ACTR3C: variants seen among roughly 807,000 people sequenced by gnomAD.
The protein encoded by ACTR3C is actin related protein 3C.
Under a neutral mutation model 26.3 loss-of-function variants are expected in ACTR3C, and 18 were observed. The ratio of observed to expected loss-of-function variants is 0.68; its 90% CI spans 0.47 to 1.01. ACTR3C has a LOEUF of 1.01. Ranked by LOEUF, ACTR3C falls within the 50% of genes least tolerant of loss-of-function variation. The pLI, the probability that ACTR3C is intolerant of heterozygous loss-of-function variation, is 0.00. For synonymous variants in ACTR3C, 55 were observed against 94.5 expected (o/e 0.58, Z 2.42); for missense variants, 184 against 250.7 (o/e 0.73, Z 1.80).
chr7:150,300,010 T>C (rs1487249470), intron 1 of ACTR3C, among the ~76,000 whole-genome samples: 1 of 151,820 alleles, frequency 6.6e-6, no homozygotes, highest in African/African-American at 2.4e-5. Flanking sequence ...AATTCAAAAA[T>C]CCAAGGTGTG....
the ACTR3C span, among the ~76,000 whole-genome samples, chr7:149,978,236 C>T: frequency 6.6e-6 from 1 of 152,178 alleles, no homozygotes. Context: ...CTGCCACTGG[C>T]CCTGGTTACC....
At chr7:150,199,557 A>C in the ACTR3C span, among the ~76,000 whole-genome samples, 1 of 122,974 alleles carries the variant, frequency 8.1e-6, no homozygotes, top group Admixed American at 8.2e-5. Context: ...TTGTCCCATG[A>C]CCCTGCCAAA....
At chr7:150,068,385 T>C in the ACTR3C span, among the ~76,000 whole-genome samples, 19 of 152,334 alleles carry the variant, frequency 1.2e-4, no homozygotes, top group African/African-American at 4.3e-4. Context: ...TTATGCCAGC[T>C]GACCTCCACC....
the ACTR3C span, among the ~76,000 whole-genome samples, chr7:149,885,381 G>A: frequency 6.6e-6 from 1 of 152,204 alleles, no homozygotes; most frequent in Non-Finnish European, 1.5e-5. Context: ...AGCCGCCAGG[G>A]ACTTCCAGGT....
At chr7:149,897,404 G>C in the ACTR3C span, among the ~76,000 whole-genome samples, 3 of 152,180 alleles carry the variant, frequency 2.0e-5, no homozygotes. Context: ...AGTTTTCAAG[G>C]TAAGTCAGGC....
chr7:150,102,904 C>T, the ACTR3C span, among the ~76,000 whole-genome samples: 3 of 151,984 alleles, frequency 2.0e-5, no homozygotes, highest in Admixed American at 1.3e-4. Context: ...CCCCAGCACC[C>T]GAACAGCAGT....
chr7:149,882,941 GAGAC>G, the ACTR3C span, among the ~76,000 whole-genome samples: 1 of 152,206 alleles, frequency 6.6e-6, no homozygotes, highest in African/African-American at 2.4e-5. Context: ...CAGAGCCTGG[GAGAC>G]AGGCCCCATC....
chr7:150,207,422 A>G, the ACTR3C span, among the ~76,000 whole-genome samples: 3 of 152,264 alleles, frequency 2.0e-5, no homozygotes, highest in Non-Finnish European at 4.4e-5. Flanking sequence ...CTTATGAAGT[A>G]TAGAAATAGT....
At chr7:150,037,773 C>CA in the ACTR3C span, among the ~76,000 whole-genome samples, 2 of 46,006 alleles carry the variant, frequency 4.3e-5, no homozygotes, top group East Asian at 1.2e-3. Context: ...GGGTGCCTCC[C>CA]CCTCCTGCGA....
the ACTR3C span, among the ~76,000 whole-genome samples, chr7:150,137,002 G>A: frequency 6.6e-6 from 1 of 152,184 alleles, no homozygotes; most frequent in Non-Finnish European, 1.5e-5. Context: ...TAGATCTCTT[G>A]CACATGCAGT....
chr7:150,139,764 G>A, the ACTR3C span, among the ~76,000 whole-genome samples: 3 of 152,084 alleles, frequency 2.0e-5, no homozygotes, highest in Non-Finnish European at 4.4e-5. Flanking sequence ...CCCACACATG[G>A]GTCTTTAGGA....
chr7:150,265,776 C>T (rs1833993091), intron 6 of ACTR3C, among the ~76,000 whole-genome samples: 2 of 152,182 alleles, frequency 1.3e-5, no homozygotes, highest in South Asian at 4.1e-4. Flanking sequence ...CTACTGTTAA[C>T]ATTTCTGGTA....
the ACTR3C span, among the ~76,000 whole-genome samples, chr7:150,079,174 AG>A: frequency 6.6e-6 from 1 of 152,156 alleles, no homozygotes; most frequent in Non-Finnish European, 1.5e-5. Context: ...TGACTTCTGG[AG>A]GTGCTGCTGT....
chr7:150,312,708 T>C (rs1796432856), intron 1 of ACTR3C, among the ~76,000 whole-genome samples: 1 of 152,168 alleles, frequency 6.6e-6, no homozygotes, highest in Admixed American at 6.5e-5. Flanking sequence ...TGGTCATAGT[T>C]GAAGCAGTCC....
chr7:150,165,472 T>A, the ACTR3C span, among the ~76,000 whole-genome samples: 2 of 151,502 alleles, frequency 1.3e-5, no homozygotes, highest in Admixed American at 1.3e-4. Context: ...TTTGTTTATG[T>A]ACTTTCTTGG....
the ACTR3C span, among the ~76,000 whole-genome samples, chr7:150,209,763 A>ACACACACACACAC: frequency 6.7e-6 from 1 of 148,904 alleles, no homozygotes; most frequent in African/African-American, 2.5e-5. Context: ...ACACACACAC[A>ACACACACACACAC]AAATTAGCTG....
At chr7:149,935,697 C>G in the ACTR3C span, among the ~76,000 whole-genome samples, 1 of 141,402 alleles carries the variant, frequency 7.1e-6, no homozygotes. Flanking sequence ...GTGTTCTTAT[C>G]AGCAGCAATC....
At chr7:150,048,893 G>A in the ACTR3C span, among the ~76,000 whole-genome samples, 3 of 152,080 alleles carry the variant, frequency 2.0e-5, no homozygotes, top group African/African-American at 7.2e-5. Context: ...GTCGCGGGGC[G>A]GCAGAGGACG....
the ACTR3C span, among the ~76,000 whole-genome samples, chr7:149,953,697 C>T: frequency 6.6e-6 from 1 of 152,028 alleles, no homozygotes; most frequent in African/African-American, 2.4e-5. Context: ...GACTCTTTTC[C>T]TCTCTCTCCT....
Sources: gnomAD v4.1 joint callset for allele counts (sites outside exome capture counted in the v4.1 genomes callset) on GRCh38, gnomAD v4.1.1 for gene constraint, MANE v1.5 for transcripts, NCBI Gene and HGNC (gene_info 2026-07-23, HGNC 2026-07-21) for gene names.